SLC25A21: variants seen among roughly 807,000 people sequenced by gnomAD.
The protein encoded by SLC25A21 is solute carrier family 25 member 21.
A neutral mutation model predicts 43.8 loss-of-function variants in SLC25A21; 47 were observed. The observed-to-expected ratio is 1.07, with a 90% CI of 0.85 to 1.37. The LOEUF (loss-of-function observed/expected upper bound fraction) is 1.37, where lower values mean the gene tolerates loss of function less well. Among genes scored for constraint, SLC25A21 ranks in the 40% most tolerant of loss-of-function variants. SLC25A21 has a pLI of 0.00. For missense variants in SLC25A21, 352 were observed against 350.2 expected (o/e 1.00, Z -0.04); for synonymous variants, 131 against 121.3 (o/e 1.08, Z -0.52).
intron 1 of SLC25A21, among the ~76,000 whole-genome samples, chr14:36,963,214 A>G (rs180936307): frequency 5.9e-5 from 9 of 152,230 alleles, no homozygotes; most frequent in Non-Finnish European, 1.3e-4. Context: ...GAGGTTAAAG[A>G]AACGATAAGT....
chr14:36,792,536 G>A (rs1204877502), intron 3 of SLC25A21, among the ~76,000 whole-genome samples: 6 of 152,054 alleles, frequency 3.9e-5, no homozygotes, highest in East Asian at 1.9e-4. Context: ...ATTGGTTTGC[G>A]ATAGAGTTGC....
chr14:36,894,213 C>A (rs1177607), intron 1 of SLC25A21, among the ~76,000 whole-genome samples: 75,096 of 151,756 alleles, frequency 0.49, 20,736 homozygotes, highest in East Asian at 0.99. Flanking sequence ...CTTTTATTTC[C>A]TTGAGCAGTG....
At chr14:37,143,398 G>C (rs1963603301) in intron 1 of SLC25A21, among the ~76,000 whole-genome samples, 1 of 152,172 alleles carries the variant, frequency 6.6e-6, no homozygotes, top group African/African-American at 2.4e-5. Context: ...GCTGTCACAG[G>C]GGCTGGCTAT....
At chr14:36,734,711 A>G (rs983369331) in intron 3 of SLC25A21, 138 bp from the exon 4 acceptor site, 31 of 650,208 alleles carry the variant, frequency 4.8e-5, no homozygotes, top group Non-Finnish European at 7.2e-5. Flanking sequence ...TCATTCTAAA[A>G]TAAAGAAATA....
At chr14:37,118,954 A>G (rs1157117200) in intron 1 of SLC25A21, among the ~76,000 whole-genome samples, 1 of 152,182 alleles carries the variant, frequency 6.6e-6, no homozygotes, top group Non-Finnish European at 1.5e-5. Flanking sequence ...AGCACAAGAT[A>G]CAAGTCACAA....
At chr14:36,904,063 T>C (rs1297338427) in intron 1 of SLC25A21, among the ~76,000 whole-genome samples, 1 of 152,234 alleles carries the variant, frequency 6.6e-6, no homozygotes, top group Non-Finnish European at 1.5e-5. Flanking sequence ...ACTGAATTCT[T>C]GTCCTTTGAA....
chr14:37,052,173 C>A (rs1961722426), intron 1 of SLC25A21, among the ~76,000 whole-genome samples: 1 of 152,134 alleles, frequency 6.6e-6, no homozygotes, highest in South Asian at 2.1e-4. Context: ...GAATTCACAG[C>A]ATTAAAGTAC....
chr14:36,730,708 G>C (rs1456954212), intron 4 of SLC25A21, among the ~76,000 whole-genome samples: 4 of 152,150 alleles, frequency 2.6e-5, no homozygotes, highest in African/African-American at 9.7e-5. Context: ...TATGAATGTA[G>C]AGTTTTCTAA....
chr14:36,695,478 T>C (rs1882976712), intron 7 of SLC25A21, among the ~76,000 whole-genome samples: 1 of 152,222 alleles, frequency 6.6e-6, no homozygotes, highest in Admixed American at 6.5e-5. Context: ...GGGGATGGCA[T>C]TGAATCTATA....
At chr14:36,688,672 C>A (rs138244805) in intron 7 of SLC25A21, among the ~76,000 whole-genome samples, 47 of 152,324 alleles carry the variant, frequency 3.1e-4, no homozygotes, top group African/African-American at 1.1e-3. Flanking sequence ...CACCTCACTA[C>A]AGGTTAAAAC....
At chr14:36,765,533 CAG>C (rs1297507252) in intron 3 of SLC25A21, among the ~76,000 whole-genome samples, 1 of 152,142 alleles carries the variant, frequency 6.6e-6, no homozygotes, top group Admixed American at 6.6e-5. Flanking sequence ...AGATGGTTGC[CAG>C]AGAGAGAAGC....
intron 3 of SLC25A21, among the ~76,000 whole-genome samples, chr14:36,772,351 G>A (rs374514789): frequency 3.9e-4 from 59 of 152,220 alleles, no homozygotes; most frequent in African/African-American, 1.3e-3. Context: ...CTCCAAATCC[G>A]TGAACATGGA....
At position 37,137,199 on chromosome 14, in the gene SLC25A21, G is replaced by A. The variant is rs1164614457; in HGVS notation, c.70+35082C>T. Among the ~76,000 whole-genome samples, 18 of 151,966 alleles carry A rather than the reference G, an allele frequency of 1.2e-4. No homozygotes were observed. In the East Asian group the frequency reaches 3.5e-3, roughly 29 times the overall value. ...TTTTTAGTAGAGACGGGGTTTCACC[G>A]CATTAGCCAGGGTGGTCTCAATCTC... On this transcript the variant is annotated intron_variant, in intron 1 of 9. Transcript: ENST00000331299.
chr14:36,733,664 T>C (rs1360433470), intron 4 of SLC25A21, among the ~76,000 whole-genome samples: 1 of 152,178 alleles, frequency 6.6e-6, no homozygotes, highest in Non-Finnish European at 1.5e-5. Context: ...GAGTAATGTA[T>C]GTGAAAAAAA....
chr14:37,119,237 C>A lies in SLC25A21; in HGVS notation c.70+53044G>T, dbSNP rs567283104. 2.2e-4 allele frequency among the ~76,000 whole-genome samples: 34 copies of A among 152,118 alleles called. 1 individual carries two copies. Among genetic ancestry groups the A allele is most frequent in the Non-Finnish European group, 4.4e-5 (3 of 68,012 alleles). The stretch of plus-strand genomic sequence containing the variant: ...TCACAGAAAACTCATAAATCCACCC[C>A]TTGCTTAGCATAGAATCAAGAAATA... On this transcript the variant is annotated intron_variant, in intron 1 of 9. Transcript: ENST00000331299.
At position 36,680,036 on chromosome 14, in the gene SLC25A21, T is replaced by C. The variant is rs758877099; in HGVS notation, c.*622A>G. 1.2e-6 allele frequency: 1 copy of C among 865,398 alleles called. No individual in the cohort carries two copies. Among genetic ancestry groups the C allele is most frequent in the Non-Finnish European group, 1.4e-6 (1 of 722,770 alleles). The allele number at this position is 865,398 out of a possible 1,614,324, so 53.6% of individuals were successfully genotyped here. On this transcript the variant is annotated 3_prime_UTR_variant, in exon 10 of 10. Coordinates refer to ENST00000331299, the MANE Select transcript of SLC25A21 (RefSeq NM_030631.4). Reference sequence around the variant, plus strand: ...ACAGCAATATGAGATATAAAGTAGATGTAGGAAAATAGAGCTGATATGTGC... The same window carrying C: ...ACAGCAATATGAGATATAAAGTAGACGTAGGAAAATAGAGCTGATATGTGC...
At chr14:36,905,463 T>G (rs965978151) in intron 1 of SLC25A21, among the ~76,000 whole-genome samples, 8 of 152,226 alleles carry the variant, frequency 5.3e-5, no homozygotes, top group African/African-American at 1.9e-4. Flanking sequence ...CACAAGAAGC[T>G]TGCCCACTCA....
intron 1 of SLC25A21, among the ~76,000 whole-genome samples, chr14:37,058,672 A>G (rs765729017): frequency 3.9e-5 from 6 of 152,228 alleles, no homozygotes; most frequent in Admixed American, 1.3e-4. Context: ...TATTGTTACA[A>G]TATCTGAAAT....
intron 1 of SLC25A21, among the ~76,000 whole-genome samples, chr14:37,058,885 A>G (rs1961886535): frequency 6.6e-6 from 1 of 152,110 alleles, no homozygotes; most frequent in African/African-American, 2.4e-5. Context: ...GATCAGATGA[A>G]CATAAGTGGC....
Sources: gnomAD v4.1 joint callset for allele counts (sites outside exome capture counted in the v4.1 genomes callset) on GRCh38, gnomAD v4.1.1 for gene constraint, MANE v1.5 for transcripts, NCBI Gene and HGNC (gene_info 2026-07-23, HGNC 2026-07-21) for gene names.